The following IFT88 variants were observed in gnomAD, a reference collection of about 807,000 sequenced individuals.
IFT88 encodes intraflagellar transport protein 88 homolog.
Under a neutral mutation model 119.5 loss-of-function variants are expected in IFT88, and 74 were observed. The ratio of observed to expected loss-of-function variants is 0.62; its 90% CI spans 0.51 to 0.75. The LOEUF is 0.75. Among genes scored for constraint, IFT88 ranks in the 30% least tolerant of loss-of-function variants. IFT88 has a pLI of 0.00. For synonymous variants in IFT88, 279 were observed against 316.7 expected (o/e 0.88, Z 1.26); for missense variants, 961 against 977.7 (o/e 0.98, Z 0.23).
intron 23 of IFT88, among the ~76,000 whole-genome samples, chr13:20,665,725 G>A (rs1035938576): frequency 6.6e-6 from 1 of 152,216 alleles, no homozygotes; most frequent in African/African-American, 2.4e-5. Context: ...ATTATGATCT[G>A]CCGTGCATAT....
chr13:20,615,958 CATT>C, intron 14 of IFT88, 79 bp downstream of exon 14: 1 of 728,690 alleles, frequency 1.4e-6, no homozygotes, highest in Non-Finnish European at 2.1e-6. Flanking sequence ...TTAATATTGT[CATT>C]AGAAAAGTGG....
intron 13 of IFT88, chr13:20,612,328 G>C (rs940233734): frequency 7.2e-5 from 11 of 152,072 alleles, no homozygotes; most frequent in African/African-American, 2.7e-4. Flanking sequence ...TCCAGGAACT[G>C]TGCACCCCCT....
At chr13:20,668,690 A>C (rs963134737) in intron 23 of IFT88, among the ~76,000 whole-genome samples, 1 of 152,206 alleles carries the variant, frequency 6.6e-6, no homozygotes, top group African/African-American at 2.4e-5. Flanking sequence ...ATGAGAGCAC[A>C]TGGAGCCAGT....
At chr13:20,682,036 G>A (rs1179262198) in intron 24 of IFT88, among the ~76,000 whole-genome samples, 3 of 152,202 alleles carry the variant, frequency 2.0e-5, no homozygotes, top group African/African-American at 4.8e-5. Flanking sequence ...GAACACCTAC[G>A]AAATCAGCTA....
chr13:20,659,890 C>T (rs2053506609), intron 22 of IFT88, among the ~76,000 whole-genome samples: 3 of 152,170 alleles, frequency 2.0e-5, no homozygotes, highest in African/African-American at 7.2e-5. Flanking sequence ...GATCTGCCCG[C>T]CTCAGCCTCC....
chr13:20,594,874 A>G (rs1043713220), intron 7 of IFT88, among the ~76,000 whole-genome samples: 1 of 152,214 alleles, frequency 6.6e-6, no homozygotes, highest in African/African-American at 2.4e-5. Flanking sequence ...TTATTTCTAT[A>G]TACTTTTATA....
In IFT88 at chr13:20,574,246, A is replaced by G. The variant is rs1593660826; in HGVS notation, c.-6-134A>G. 15 of 410,216 alleles carry G rather than the reference A, an allele frequency of 3.7e-5. No homozygotes were observed. In the East Asian group the frequency reaches 6.2e-4, roughly 17 times the overall value. The allele number at this position is 410,216 out of a possible 1,614,324, so 25.4% of individuals were successfully genotyped here. A position where few individuals can be genotyped will look rare whatever the true frequency, so the allele number is the denominator to read the frequency against. On this transcript the variant is annotated intron_variant, in intron 1 of 25. Coordinates refer to ENST00000351808, the MANE Select transcript of IFT88 (RefSeq NM_006531.5). The stretch of plus-strand genomic sequence containing the variant: ...GAGGTGGGAGGATCACTTGTGCCAG[A>G]GAGATCAAGGCTATAGTGAGCCGTG...
intron 24 of IFT88, among the ~76,000 whole-genome samples, chr13:20,681,006 T>C (rs184232199): frequency 5.6e-4 from 85 of 152,340 alleles, no homozygotes; most frequent in African/African-American, 1.9e-3. Flanking sequence ...TTCAGTTGCA[T>C]GTGTGGAGTC....
intron 24 of IFT88, among the ~76,000 whole-genome samples, chr13:20,678,375 A>G (rs2056940040): frequency 6.6e-6 from 1 of 152,254 alleles, no homozygotes; most frequent in African/African-American, 2.4e-5. Context: ...AGCCATGAAC[A>G]GAGTCTGACC....
intron 24 of IFT88, among the ~76,000 whole-genome samples, chr13:20,677,857 A>G (rs1566461889): frequency 6.6e-6 from 1 of 152,228 alleles, no homozygotes; most frequent in Non-Finnish European, 1.5e-5. Context: ...AGATTTGAAA[A>G]AGTAAGAACC....
At chr13:20,690,913 A>C in intron 25 of IFT88, 98 bp downstream of exon 25, 1 of 1,381,792 alleles carries the variant, frequency 7.2e-7, no homozygotes, top group Non-Finnish European at 1.0e-6. Flanking sequence ...AGAATTTGAT[A>C]TTTACAGATA....
At chr13:20,605,748 G>C (rs533215143) in intron 13 of IFT88, among the ~76,000 whole-genome samples, 1 of 152,264 alleles carries the variant, frequency 6.6e-6, no homozygotes, top group African/African-American at 2.4e-5. Flanking sequence ...TGAATGGAAG[G>C]CTCCCACTAC....
At chr13:20,681,973 ATTAG>A (rs2057374077) in intron 24 of IFT88, among the ~76,000 whole-genome samples, 1 of 152,252 alleles carries the variant, frequency 6.6e-6, no homozygotes, top group Non-Finnish European at 1.5e-5. Flanking sequence ...GGAGAATCCA[ATTAG>A]TTAATTTTAA....
chr13:20,662,634 G>C (rs1392305016), intron 22 of IFT88, among the ~76,000 whole-genome samples: 1 of 152,106 alleles, frequency 6.6e-6, no homozygotes, highest in East Asian at 1.9e-4. Context: ...CATTGCAGTT[G>C]TATTGAAGGA....
At chr13:20,665,626 A>T (rs2054550629) in intron 23 of IFT88, among the ~76,000 whole-genome samples, 1 of 152,368 alleles carries the variant, frequency 6.6e-6, no homozygotes, top group East Asian at 1.9e-4. Flanking sequence ...GGTTAAGATC[A>T]CCAGTCATTT....
intron 15 of IFT88, among the ~76,000 whole-genome samples, chr13:20,626,736 T>G (rs2047397139): frequency 6.6e-6 from 1 of 152,154 alleles, no homozygotes; most frequent in African/African-American, 2.4e-5. Flanking sequence ...AGGACAGAGC[T>G]GACACACAAT....
rs886315991 is a variant in IFT88 at position 20,678,940 on chromosome 13, T to A, written c.2242+7901T>A. On this transcript the variant is annotated intron_variant, in intron 24 of 25. Transcript: ENST00000351808. ...AGCCTCCAAGTGTCTTGATCCACTT[T>A]AATGGGTTAATAGCTGCTAATCCAT... Among the ~76,000 whole-genome samples, 97 of 152,326 alleles carry A rather than the reference T, an allele frequency of 6.4e-4. 1 individual carries two copies. The highest frequency in any genetic ancestry group is 2.2e-3 in the African/African-American group (90 of 41,570).
At chr13:20,569,348 C>A (rs796813974) in intron 1 of IFT88, among the ~76,000 whole-genome samples, 51 of 151,694 alleles carry the variant, frequency 3.4e-4, no homozygotes, top group African/African-American at 1.2e-3. Context: ...CCGAGCCGGG[C>A]GGATCACGAG....
chr13:20,679,003 C>T (rs902511141), intron 24 of IFT88, among the ~76,000 whole-genome samples: 1 of 152,134 alleles, frequency 6.6e-6, no homozygotes, highest in Non-Finnish European at 1.5e-5. Context: ...CTGGCATTAG[C>T]GTCAGATGTG....
Sources: allele counts gnomAD v4.1 joint callset (sites outside exome capture counted in the v4.1 genomes callset), GRCh38; gene constraint gnomAD v4.1.1; transcripts MANE v1.5; gene names NCBI Gene and HGNC (gene_info 2026-07-23, HGNC 2026-07-21).